Variants in PCDHA5 observed in about 807,000 individuals in gnomAD.
The protein encoded by PCDHA5 is protocadherin alpha-5.
Under a neutral mutation model 61.6 loss-of-function variants are expected in PCDHA5, and 43 were observed. The observed-to-expected ratio is 0.70, with a 90% CI of 0.55 to 0.90. The LOEUF (loss-of-function observed/expected upper bound fraction) is 0.90, where lower values mean the gene tolerates loss of function less well. Among genes scored for constraint, PCDHA5 ranks in the 40% least tolerant of loss-of-function variants. The pLI, the probability that PCDHA5 is intolerant of heterozygous loss-of-function variation, is 0.00. For synonymous variants in PCDHA5, 627 were observed against 543.9 expected (o/e 1.15, Z -2.13); for missense variants, 1,298 against 1,222.7 (o/e 1.06, Z -0.92).
rs2150118290 is a variant in PCDHA5, at chr5:140,822,657, TA to T, written c.884del (p.Asn295IlefsTer7). Reference sequence around the variant, plus strand: ...ACGATGTAAAGTCCAAATTTATAATTAATTCTAATACTGGTGAAATAAAAGT... The same window carrying T: ...ACGATGTAAAGTCCAAATTTATAATTATTCTAATACTGGTGAAATAAAAGT... ...LDDVKSKFII[N>X]SNTGEIKVNG... On this transcript the variant is annotated frameshift_variant, in exon 1 of 4. Coordinates refer to ENST00000529859, the MANE Select transcript of PCDHA5 (RefSeq NM_018908.3). LOFTEE classifies it high-confidence loss of function. 18 of 1,608,594 alleles carry T rather than the reference TA, an allele frequency of 1.1e-5. No homozygotes were observed. The highest frequency in any genetic ancestry group is 1.4e-5 in the Non-Finnish European group (17 of 1,176,170).
chr5:140,926,215 C>T (rs2083014396), intron 1 of PCDHA5, among the ~76,000 whole-genome samples: 1 of 152,170 alleles, frequency 6.6e-6, no homozygotes, highest in Non-Finnish European at 1.5e-5. Flanking sequence ...CTCCTGTTTC[C>T]TTAAGCCTAG....
chr5:140,875,685 C>A (rs563250653), intron 1 of PCDHA5: 1 of 1,613,934 alleles, frequency 6.2e-7, no homozygotes, highest in East Asian at 2.2e-5. Context: ...CCAAAAGACA[C>A]GGGGACCTTC....
chr5:140,959,293 C>G (rs1554223990), intron 1 of PCDHA5, among the ~76,000 whole-genome samples: 1 of 152,088 alleles, frequency 6.6e-6, no homozygotes, highest in African/African-American at 2.4e-5. Context: ...GGGAGCATCA[C>G]TGAGCCCGGT....
chr5:140,829,496 C>T lies in PCDHA5; in HGVS notation c.2352+5369C>T, dbSNP rs2150168834. 4.3e-6 allele frequency: 7 copies of T among 1,613,648 alleles called. No homozygotes were observed. The Admixed American group carries it at 1.2e-4, about 27-fold the overall frequency. ...CACAGTGTTCGTGAAGGAGAACAACCCGCCGGGCTGCCACATCTTCACGGT... is the reference window on the plus strand; with the variant it reads ...CACAGTGTTCGTGAAGGAGAACAACTCGCCGGGCTGCCACATCTTCACGGT... On this transcript the variant is annotated intron_variant, in intron 1 of 3. Coordinates refer to ENST00000529859, the MANE Select transcript of PCDHA5 (RefSeq NM_018908.3).
intron 1 of PCDHA5, among the ~76,000 whole-genome samples, chr5:140,873,067 TATC>T (rs2054071448): frequency 1.3e-5 from 2 of 152,218 alleles, no homozygotes; most frequent in Admixed American, 1.3e-4. Flanking sequence ...TTGAGAATCA[TATC>T]TAGCTATTTC....
intron 1 of PCDHA5, among the ~76,000 whole-genome samples, chr5:140,887,536 C>G (rs2153420652): frequency 6.6e-6 from 1 of 152,238 alleles, no homozygotes; most frequent in African/African-American, 2.4e-5. Context: ...CTTCCTCTCC[C>G]CACCCCTCAT....
At chr5:140,882,367 C>G in intron 1 of PCDHA5, 22 of 1,614,228 alleles carry the variant, frequency 1.4e-5, no homozygotes, top group Non-Finnish European at 1.7e-5. Flanking sequence ...AGCTCCACTA[C>G]TCCGTCCCCG....
intron 1 of PCDHA5, among the ~76,000 whole-genome samples, chr5:140,872,710 A>G (rs563009592): frequency 6.5e-4 from 99 of 152,384 alleles, no homozygotes; most frequent in African/African-American, 1.9e-3. Flanking sequence ...AAAGGAAACT[A>G]GGTAAATAAA....
Position 140,978,838 on chromosome 5 carries a change from A to G in PCDHA5, c.2353-111A>G, listed in dbSNP as rs571929271. 3.9e-6 allele frequency: 6 copies of G among 1,554,610 alleles called. No homozygotes were observed. In the African/African-American group the frequency reaches 5.5e-5, roughly 14 times the overall value. On this transcript the variant is annotated intron_variant, in intron 1 of 3. Transcript: ENST00000529859. ...TTACACATGAAATGGCTCATTCAAT[A>G]CTTTTTTAGATGCCTGGAAATATTT... is the stretch of plus-strand genomic sequence containing the variant.
chr5:140,942,759 G>A (rs2093365403), intron 1 of PCDHA5, among the ~76,000 whole-genome samples: 1 of 152,074 alleles, frequency 6.6e-6, no homozygotes, highest in Admixed American at 6.6e-5. Context: ...AAATGAGATG[G>A]CATAATGTAT....
rs782007386 is a variant in PCDHA5 at position 140,856,148 on chromosome 5, G to A, written c.2352+32021G>A. 6.9e-6 allele frequency: 11 copies of A among 1,598,220 alleles called. No homozygotes were observed. In the East Asian group the frequency reaches 2.0e-4, roughly 29 times the overall value. ...GGGGAGCGGCCAGCTCCACTACTCA[G>A]TCTACGAGGAGGCCAGACACGGCAC... On this transcript the variant is annotated intron_variant, in intron 1 of 3. Transcript: ENST00000529859.
chr5:140,841,817 T>C, intron 1 of PCDHA5: 1 of 1,613,922 alleles, frequency 6.2e-7, no homozygotes. Flanking sequence ...TGGAGCTAAC[T>C]CCGTGTTAAC....
chr5:140,916,084 C>T (rs1330761804), intron 1 of PCDHA5, among the ~76,000 whole-genome samples: 3 of 152,186 alleles, frequency 2.0e-5, no homozygotes, highest in Non-Finnish European at 4.4e-5. Flanking sequence ...TACCACTGGT[C>T]CACAGGGAAT....
chr5:140,835,730 C>T (rs1773881312), intron 1 of PCDHA5: 30 of 1,613,686 alleles, frequency 1.9e-5, no homozygotes, highest in Non-Finnish European at 2.5e-5. Context: ...CCGACGTGAA[C>T]GACAACGCCC....
chr5:140,875,352 T>C lies in PCDHA5; in HGVS notation c.2352+51225T>C, dbSNP rs563345056. ...AATAGGATCGACTCCATAATGACTGTGATGCTGGAAAAAATTTACTAAATA... is the reference window on the plus strand; with the variant it reads ...AATAGGATCGACTCCATAATGACTGCGATGCTGGAAAAAATTTACTAAATA... On this transcript the variant is annotated intron_variant, in intron 1 of 3. Transcript: ENST00000529859. 15 of 1,445,236 alleles carry C rather than the reference T, an allele frequency of 1.0e-5. No individual in the cohort carries two copies. In the African/African-American group the frequency reaches 1.9e-4, roughly 18 times the overall value. The allele number at this position is 1,445,236 out of a possible 1,614,324, so 89.5% of individuals were successfully genotyped here.
chr5:140,893,107 G>A (rs1324641421), intron 1 of PCDHA5, among the ~76,000 whole-genome samples: 4 of 152,226 alleles, frequency 2.6e-5, no homozygotes, highest in East Asian at 1.9e-4. Flanking sequence ...ATAATATTCC[G>A]TTGTGCATAT....
intron 1 of PCDHA5, among the ~76,000 whole-genome samples, chr5:140,976,091 C>CAACTTTTCAA (rs2096700073): frequency 6.6e-6 from 1 of 152,166 alleles, no homozygotes; most frequent in Non-Finnish European, 1.5e-5. Flanking sequence ...TATCAGTAGT[C>CAACTTTTCAA]AACTTTTCAA....
chr5:141,009,770 A>T lies in PCDHA5; in HGVS notation c.2644A>T (p.Ile882Phe). The part of the protein sequence containing the change: ...DKFIIPGSPA[I>F]ISIRQEPTNS... The stretch of plus-strand genomic sequence containing the variant: ...ATTCATTATCCCAGGATCTCCTGCA[A>T]TCATCTCCATCCGGCAGGAGCCTAC... The change falls in exon 4 of 4, where the codon ATC becomes TTC. Residue 882 changes from isoleucine to phenylalanine, a missense_variant. Transcript: ENST00000529859. 6.2e-7 allele frequency: 1 copy of T among 1,614,160 alleles called. No homozygotes were observed. The highest frequency in any genetic ancestry group is 8.5e-7 in the Non-Finnish European group (1 of 1,180,028).
At chr5:140,876,581 C>A in intron 1 of PCDHA5, 2 of 1,614,200 alleles carry the variant, frequency 1.2e-6, no homozygotes, top group Non-Finnish European at 1.7e-6. Flanking sequence ...ACCGTCATTG[C>A]CCTGATTAGC....
Sources: allele counts gnomAD v4.1 joint callset (sites outside exome capture counted in the v4.1 genomes callset), GRCh38; gene constraint gnomAD v4.1.1; transcripts MANE v1.5; gene names NCBI Gene and HGNC (gene_info 2026-07-23, HGNC 2026-07-21).